TRMT44: variants seen among roughly 807,000 people sequenced by gnomAD.
TRMT44 encodes tRNA methyltransferase 44 homolog, also known as probable tRNA (uracil-O(2)-)-methyltransferase.
A neutral mutation model predicts 77.3 loss-of-function variants in TRMT44; 78 were observed. The observed-to-expected ratio is 1.01, with a 90% confidence interval of 0.84 to 1.22. The LOEUF (loss-of-function observed/expected upper bound fraction) is 1.22. TRMT44 is among the 50% of genes most tolerant of loss of function. The pLI is 0.00. For synonymous variants in TRMT44, 391 were observed against 383.3 expected, an observed-to-expected ratio of 1.02 and a Z score of -0.23; for missense variants, 1,090 against 964.4, an observed-to-expected ratio of 1.13 and a Z score of -1.73.
Position 8,441,275 on chromosome 4 carries a change from A to G in TRMT44, c.453A>G (p.Gln151=). Residue 151 remains glutamine, a synonymous_variant, in exon 1 of 11, where the codon CAA becomes CAG. Coordinates refer to ENST00000389737, the MANE Select transcript of TRMT44 (RefSeq NM_152544.3). ...ATTCGCTTTGGGAGGATTTCTCCCA[A>G]AGTCTCGCCCGTGGCAATTCGGAGT... The part of the protein sequence containing the change: ...DLDSLWEDFS[Q]SLARGNSELL... 2.6e-6 allele frequency: 4 copies of G among 1,535,540 alleles called. No individual in the cohort carries two copies. The highest frequency in any genetic ancestry group is 1.2e-5 in the South Asian group (1 of 83,818).
At chr4:8,479,460 C>A (rs764024699), downstream of TRMT44, 3 of 152,048 alleles carry the variant, frequency 2.0e-5, no homozygotes, top group Non-Finnish European at 4.4e-5. Flanking sequence ...GACGGGATGG[C>A]CTGTTGCTTC....
At chr4:8,443,802 T>C (rs1724897227) in intron 1 of TRMT44, among the ~76,000 whole-genome samples, 1 of 151,972 alleles carries the variant, frequency 6.6e-6, no homozygotes, top group Non-Finnish European at 1.5e-5. Flanking sequence ...CTACTAAAAA[T>C]ACAAAAAATT....
rs1725537859 is a variant in TRMT44 at position 8,452,789 on chromosome 4, C to T, written c.1024-93C>T. 1.5e-6 allele frequency: 1 copy of T among 651,054 alleles called. No homozygotes were observed. The allele number at this position is 651,054 out of a possible 1,614,324, so 40.3% of individuals were successfully genotyped here. On this transcript the variant is annotated intron_variant, in intron 4 of 10. Coordinates refer to ENST00000389737, the MANE Select transcript of TRMT44 (RefSeq NM_152544.3). This position sits in a 1 kb window ranked among gnomAD's most constrained non-coding sequence, Gnocchi z 5.7. The stretch of plus-strand genomic sequence containing the variant: ...GTGTAGATGATTTCAAGTTTCCTTT[C>T]ACTCAGAGTTTTCTTTGACCAGTTT...
intron 9 of TRMT44, among the ~76,000 whole-genome samples, chr4:8,470,217 G>T (rs956127476): frequency 4.6e-5 from 7 of 152,228 alleles, no homozygotes; most frequent in Non-Finnish European, 8.8e-5. Flanking sequence ...GACTCAGAAG[G>T]TTGGCCAGGC....
the TRMT44 span, among the ~76,000 whole-genome samples, chr4:8,505,348 C>A: frequency 6.6e-6 from 1 of 152,164 alleles, no homozygotes. Context: ...GAGGGTGCTC[C>A]AGGCTCAAGG....
In TRMT44 at chr4:8,441,384, C is replaced by T; in HGVS notation, c.562C>T (p.Pro188Ser). Reference protein sequence around the residue: ...ELDVVLRTVIPKTSPHCPLTT... With the variant: ...ELDVVLRTVISKTSPHCPLTT... ...CGACGTGGTTCTCAGAACCGTCATC[C>T]CGAAAACTAGCCCACATTGCCCCCT... Residue 188 changes from proline (P) to serine (S), a missense_variant, in exon 1 of 11, where the codon CCG becomes TCG. Transcript: ENST00000389737. The T allele has an allele frequency of 6.5e-7, 1 of 1,531,710 alleles. No homozygotes were observed. Among genetic ancestry groups the T allele is most frequent in the Non-Finnish European group, 8.7e-7 (1 of 1,143,626 alleles). 94.9% of individuals were successfully genotyped at this position (1,531,710 alleles called of 1,614,324 possible). A position where few individuals can be genotyped will look rare whatever the true frequency, so the allele number is the denominator to read the frequency against.
chr4:8,470,155 T>C (rs1435007048), intron 9 of TRMT44, among the ~76,000 whole-genome samples: 1 of 152,224 alleles, frequency 6.6e-6, no homozygotes, highest in African/African-American at 2.4e-5. Flanking sequence ...ATGTGATCTT[T>C]TTTAAAACAC....
Position 8,441,232 on chromosome 4 carries a change from T to C in TRMT44, c.410T>C (p.Phe137Ser). The change falls in exon 1 of 11, where the codon TTC becomes TCC. Residue 137 changes from phenylalanine to serine, a missense_variant. Transcript: ENST00000389737. ...CATGCTGAAGGAAGGGAGGGCGACT[T>C]CCCCGCCGCAGATCTGGATTCGCTT... ...PGHAEGREGD[F>S]PAADLDSLWE... 1 of 1,535,414 alleles carries C rather than the reference T, an allele frequency of 6.5e-7. No individual in the cohort carries two copies. The highest frequency in any genetic ancestry group is 8.7e-7 in the Non-Finnish European group (1 of 1,146,516).
chr4:8,490,682 G>A (rs910568458), intron 2 of TRMT44, among the ~76,000 whole-genome samples: 4 of 152,230 alleles, frequency 2.6e-5, no homozygotes, highest in African/African-American at 9.6e-5. Flanking sequence ...TGGACCCAAA[G>A]AGTGAGCAGT....
At chr4:8,462,171 G>C (rs969377473) in intron 6 of TRMT44, among the ~76,000 whole-genome samples, 5 of 152,194 alleles carry the variant, frequency 3.3e-5, no homozygotes, top group Non-Finnish European at 7.3e-5. Context: ...AGCACTTTGG[G>C]AGGCCGAGGT....
rs1374344923 is a variant in TRMT44 at position 8,454,848 on chromosome 4, C to T, written c.1203+35C>T. ...TTATTACGCATGCCCTTGATCTCAG[C>T]ATGGCTTAGCTCCCAGTGGGAATTG... On this transcript the variant is annotated intron_variant, in intron 6 of 10. Transcript: ENST00000389737. The T allele has an allele frequency of 3.1e-6, 5 of 1,590,438 alleles. No homozygotes were observed. In the African/African-American group the frequency reaches 5.4e-5, roughly 17 times the overall value.
At chr4:8,467,482 ATTGAT>A (rs1366355194) in intron 8 of TRMT44, among the ~76,000 whole-genome samples, 1 of 151,790 alleles carries the variant, frequency 6.6e-6, no homozygotes, top group African/African-American at 2.4e-5. Context: ...ATTTATTTTT[ATTGAT>A]TTATTTATTT....
chr4:8,445,779 G>A (rs982567756), intron 1 of TRMT44, among the ~76,000 whole-genome samples: 3 of 152,206 alleles, frequency 2.0e-5, no homozygotes, highest in Non-Finnish European at 4.4e-5. Context: ...GCTGTGGAAG[G>A]TGAACCACAG....
At chr4:8,493,045 G>T (rs2109238010) in intron 2 of TRMT44, among the ~76,000 whole-genome samples, 1 of 152,152 alleles carries the variant, frequency 6.6e-6, no homozygotes, top group East Asian at 1.9e-4. Context: ...AGATATTTGG[G>T]GTTCACAATG....
Position 8,451,365 on chromosome 4 carries a change from A to G in TRMT44, c.955-595A>G, listed in dbSNP as rs369506162. ...ACTGGAAATAGAAATTTCAACTTTT[A>G]ACATTGGCCATTGGTTTTTCCTGTT... On this transcript the variant is annotated intron_variant, in intron 3 of 10. Coordinates refer to ENST00000389737, the MANE Select transcript of TRMT44 (RefSeq NM_152544.3). The surrounding 1 kb of genome is among the most constrained non-coding windows in gnomAD (Gnocchi z 4.1). Among the ~76,000 whole-genome samples, 16 of 152,334 alleles carry G rather than the reference A, an allele frequency of 1.1e-4. No individual in the cohort carries two copies. The East Asian group carries it at 2.9e-3, about 28-fold the overall frequency.
At chr4:8,477,939 C>T (rs1416428094), downstream of TRMT44, 1 of 152,838 alleles carries the variant, frequency 6.5e-6, no homozygotes. Flanking sequence ...GGGCACACCT[C>T]CTGAGCTAAG....
chr4:8,475,883 G>T lies in TRMT44; in HGVS notation c.2156G>T (p.Cys719Phe), dbSNP rs746230757. Reference sequence around the variant, plus strand: ...TCTGAAGCCTGCAAAACCCGCCTCTGCTGGTTCTTCATGCATCACCCTGAT... The same window carrying T: ...TCTGAAGCCTGCAAAACCCGCCTCTTCTGGTTCTTCATGCATCACCCTGAT... ...LLSEACKTRL[C>F]WFFMHHPDGC... Residue 719 changes from cysteine (C) to phenylalanine (F), a missense_variant, in exon 11 of 11, where the codon TGC becomes TTC. Physicochemically the swap from Cys to Phe is radical, Grantham distance 205 (BLOSUM62 -2). Transcript: ENST00000389737. 1.1e-5 allele frequency: 17 copies of T among 1,614,110 alleles called. 1 individual carries two copies. In the South Asian group the frequency reaches 1.9e-4, roughly 18 times the overall value.
rs1727355358 is a variant in TRMT44, at chr4:8,475,951, C to CCT, written c.2225_2226dup (p.Ala743LeufsTer63). Reference sequence around the variant, plus strand: ...GGACTGCTGCCCGTTTGCCCATGGGCCTGCGGAGCTGCGGCCACCCCGGAC... The same window carrying CCT: ...GGACTGCTGCCCGTTTGCCCATGGGCCTCTGCGGAGCTGCGGCCACCCCGGAC... On this transcript the variant is annotated frameshift_variant, in exon 11 of 11. Transcript: ENST00000389737. LOFTEE classifies it low-confidence loss of function (END_TRUNC). The CCT allele has an allele frequency of 6.2e-7, 1 of 1,614,026 alleles. No homozygotes were observed. Among genetic ancestry groups the CCT allele is most frequent in the African/African-American group, 1.3e-5 (1 of 74,924 alleles).
chr4:8,446,221 T>C lies in TRMT44; in HGVS notation c.620-255T>C. ...TCCAATAGAGTCCACATTGGCTGGC[T>C]CTTCCCTCAGGTCCTGGCTCATGCA... On this transcript the variant is annotated intron_variant, in intron 1 of 10. Coordinates refer to ENST00000389737, the MANE Select transcript of TRMT44 (RefSeq NM_152544.3). The surrounding 1 kb of genome is among the most constrained non-coding windows in gnomAD (Gnocchi z 4.3). Among the ~76,000 whole-genome samples, 1 of 152,208 alleles carries C rather than the reference T, an allele frequency of 6.6e-6. No individual in the cohort carries two copies. The highest frequency in any genetic ancestry group is 1.9e-4 in the East Asian group (1 of 5,194).
Sources: gnomAD v4.1 joint callset for allele counts (sites outside exome capture counted in the v4.1 genomes callset) on GRCh38, gnomAD v4.1.1 for gene constraint, Gnocchi (gnomAD v3.1) non-coding constraint, MANE v1.5 for transcripts, NCBI Gene and HGNC (gene_info 2026-07-23, HGNC 2026-07-21) for gene names.